ELAPOR2: variants seen among roughly 807,000 people sequenced by gnomAD.
ELAPOR2 encodes endosome/lysosome-associated apoptosis and autophagy regulator family member 2.
Under a neutral mutation model 120.7 loss-of-function variants are expected in ELAPOR2, and 89 were observed. That is an observed-to-expected ratio of 0.74 (90% CI 0.62 to 0.88). The LOEUF (loss-of-function observed/expected upper bound fraction) is 0.88. ELAPOR2 is among the 40% of genes least tolerant of loss of function. The pLI is 0.00. For missense variants in ELAPOR2, 1,134 were observed against 1,251.6 expected (o/e 0.91, Z 1.42); for synonymous variants, 444 against 444.9 (o/e 1.00, Z 0.03).
intron 1 of ELAPOR2, among the ~76,000 whole-genome samples, 170 bp from the exon 2 acceptor site, chr7:86,965,194 T>C (rs1379413385): frequency 6.6e-6 from 1 of 152,072 alleles, no homozygotes; most frequent in African/African-American, 2.4e-5. Flanking sequence ...GGTATGGTGC[T>C]AGACACAGAG....
At chr7:86,915,151 G>A (rs549785410) in intron 12 of ELAPOR2, among the ~76,000 whole-genome samples, 1 of 151,950 alleles carries the variant, frequency 6.6e-6, no homozygotes, top group Non-Finnish European at 1.5e-5. Context: ...TTCTATTTTT[G>A]TTTCATGTGT....
chr7:86,942,020 A>T lies in ELAPOR2; in HGVS notation c.739T>A (p.Ser247Thr). 6.5e-7 allele frequency: 1 copy of T among 1,540,854 alleles called. No homozygotes were observed. The highest frequency in any genetic ancestry group is 2.0e-5 in the Admixed American group (1 of 50,942). ...LTDNGEWGSH[S>T]VMLKSGTNIL... ...GAAGGAAATACAAAGAGACTTACAG[A>T]ATGAGAGCCCCATTCTCCATTGTCT... Residue 247 changes from serine (S) to threonine (T), a missense_variant and splice_region_variant, in exon 5 of 22, where the codon TCT becomes ACT. Coordinates refer to ENST00000450689, the MANE Select transcript of ELAPOR2 (RefSeq NM_001142749.3).
intron 15 of ELAPOR2, 65 bp downstream of exon 15, chr7:86,912,007 C>G: frequency 6.8e-7 from 1 of 1,479,482 alleles, no homozygotes; most frequent in Non-Finnish European, 9.3e-7. Context: ...TCCATTAACA[C>G]AGAAAATATC....
chr7:86,918,804 C>G (rs1433405061), intron 11 of ELAPOR2, among the ~76,000 whole-genome samples: 1 of 152,046 alleles, frequency 6.6e-6, no homozygotes, highest in African/African-American at 2.4e-5. Flanking sequence ...AAGATTCCTA[C>G]TGGGTAATTT....
At chr7:87,033,595 C>T (rs1038280408) in intron 1 of ELAPOR2, among the ~76,000 whole-genome samples, 33 of 152,132 alleles carry the variant, frequency 2.2e-4, no homozygotes, top group African/African-American at 7.7e-4. Flanking sequence ...GAAGATAATA[C>T]TAAAAATATG....
intron 18 of ELAPOR2, among the ~76,000 whole-genome samples, chr7:86,902,326 G>A (rs1348340460): frequency 3.3e-5 from 5 of 152,044 alleles, no homozygotes; most frequent in South Asian, 2.1e-4. Flanking sequence ...ACAGGCGCCC[G>A]CCACAATGCC....
chr7:86,917,280 C>A lies in ELAPOR2; in HGVS notation c.1593+1162G>T, dbSNP rs186687227. ...ACTAAAAATACAAAAATTAGCTAGA[C>A]GTATGGGGCATGCCTGTAAATCCAG... On this transcript the variant is annotated intron_variant, in intron 12 of 21. Transcript: ENST00000450689. Among the ~76,000 whole-genome samples, 299 of 151,972 alleles carry A rather than the reference C, an allele frequency of 2.0e-3. 3 individuals are homozygous for A. The highest frequency in any genetic ancestry group is 7.1e-3 in the African/African-American group (293 of 41,466).
At chr7:86,950,020 C>A (rs941082431) in intron 2 of ELAPOR2, among the ~76,000 whole-genome samples, 11 of 152,210 alleles carry the variant, frequency 7.2e-5, no homozygotes. Flanking sequence ...CCCCAGACTG[C>A]CCATGGCCGC....
intron 20 of ELAPOR2, 21 bp from the exon 21 acceptor site, chr7:86,891,910 T>A (rs772145326): frequency 2.1e-6 from 3 of 1,435,680 alleles, no homozygotes; most frequent in Non-Finnish European, 2.9e-6. Context: ...ATAAAATAAA[T>A]AAACAAATAA....
At chr7:86,977,588 A>C (rs1792323361) in intron 1 of ELAPOR2, among the ~76,000 whole-genome samples, 1 of 152,196 alleles carries the variant, frequency 6.6e-6, no homozygotes, top group Non-Finnish European at 1.5e-5. Context: ...AAATTTTAAA[A>C]TAATTCTTCA....
rs953843854 is a variant in ELAPOR2, at chr7:86,919,183, G to A, written c.1490+37C>T. On this transcript the variant is annotated intron_variant, in intron 11 of 21. Transcript: ENST00000450689. ...ATTTCTGTGGGGAAACAGGTGTAAGGATTCTTACAGAAAAGAATTAGAATT... is the reference window on the plus strand; with the variant it reads ...ATTTCTGTGGGGAAACAGGTGTAAGAATTCTTACAGAAAAGAATTAGAATT... The A allele has an allele frequency of 2.8e-6, 4 of 1,413,948 alleles. No individual in the cohort carries two copies. The Admixed American group carries it at 5.1e-5, about 18-fold the overall frequency. The allele number at this position is 1,413,948 out of a possible 1,614,324, so 87.6% of individuals were successfully genotyped here.
rs1244500924 is a variant in ELAPOR2 at position 86,877,512 on chromosome 7, A to G, written c.*2959T>C. ...CGTGAGCAGTACACTCACTTTAAAC[A>G]TGGCTAATGAAGTCATCCTCTCACA... is the stretch of plus-strand genomic sequence containing the variant. On this transcript the variant is annotated 3_prime_UTR_variant, in exon 22 of 22. Transcript: ENST00000450689. 6.6e-6 allele frequency: 1 copy of G among 152,226 alleles called. No homozygotes were observed. The highest frequency in any genetic ancestry group is 1.5e-5 in the Non-Finnish European group (1 of 68,042). 9.4% of individuals were successfully genotyped at this position (152,226 alleles called of 1,614,324 possible).
chr7:86,882,656 T>G (rs1001275721), intron 21 of ELAPOR2, among the ~76,000 whole-genome samples: 1 of 152,180 alleles, frequency 6.6e-6, no homozygotes, highest in African/African-American at 2.4e-5. Context: ...GTTTAATTCC[T>G]AAGATATGAC....
At chr7:86,914,680 A>C in intron 13 of ELAPOR2, 43 bp downstream of exon 13, 1 of 1,562,370 alleles carries the variant, frequency 6.4e-7, no homozygotes, top group Non-Finnish European at 8.7e-7. Flanking sequence ...AGGGGGCATC[A>C]TTAGTGTGTT....
chr7:86,958,651 G>A (rs1241387362), intron 2 of ELAPOR2, among the ~76,000 whole-genome samples: 1 of 152,054 alleles, frequency 6.6e-6, no homozygotes, highest in African/African-American at 2.4e-5. Context: ...TGCTCCACTT[G>A]GCACCTTCAT....
chr7:87,026,046 A>G (rs1584011064), intron 1 of ELAPOR2, among the ~76,000 whole-genome samples: 2 of 152,242 alleles, frequency 1.3e-5, no homozygotes, highest in South Asian at 2.1e-4. Context: ...ACCTACGCAT[A>G]TATCTACTTC....
intron 1 of ELAPOR2, among the ~76,000 whole-genome samples, chr7:86,982,397 T>C (rs1792534827): frequency 6.6e-6 from 1 of 152,166 alleles, no homozygotes; most frequent in African/African-American, 2.4e-5. Context: ...TACTGGGAGA[T>C]ACCTCCCAGT....
At chr7:87,024,446 T>C (rs1035115291) in intron 1 of ELAPOR2, among the ~76,000 whole-genome samples, 3 of 152,196 alleles carry the variant, frequency 2.0e-5, no homozygotes, top group Non-Finnish European at 4.4e-5. Context: ...CTTTTTGATG[T>C]CCTGCTGGAT....
rs959746566 is a variant in ELAPOR2 at position 86,913,328 on chromosome 7, G to C, written c.1732-124C>G. 7.8e-6 allele frequency: 7 copies of C among 901,392 alleles called. No homozygotes were observed. In the Admixed American group the frequency reaches 1.9e-4, roughly 24 times the overall value. The allele number at this position is 901,392 out of a possible 1,614,324, so 55.8% of individuals were successfully genotyped here. A position where few individuals can be genotyped will look rare whatever the true frequency, so the allele number is the denominator to read the frequency against. ...TGTTCCAGCCTAATAGTTTGTAATT[G>C]ACAATAGATTAATATCACTGCTATT... On this transcript the variant is annotated intron_variant, in intron 13 of 21. Coordinates refer to ENST00000450689, the MANE Select transcript of ELAPOR2 (RefSeq NM_001142749.3).
Sources: allele counts gnomAD v4.1 joint callset (sites outside exome capture counted in the v4.1 genomes callset), GRCh38; gene constraint gnomAD v4.1.1; transcripts MANE v1.5; gene names NCBI Gene and HGNC (gene_info 2026-07-23, HGNC 2026-07-21).